The following CCDC93 variants were observed in gnomAD, a reference collection of about 807,000 sequenced individuals.
CCDC93 encodes CCC complex scaffolding subunit CCDC93.
A neutral mutation model predicts 108.2 loss-of-function variants in CCDC93; 61 were observed. That is an observed-to-expected ratio of 0.56 (90% CI 0.46 to 0.70). The LOEUF (loss-of-function observed/expected upper bound fraction) is 0.70. Among genes scored for constraint, CCDC93 ranks in the 30% least tolerant of loss-of-function variants. The probability of loss-of-function intolerance (pLI) is 0.00; values close to 1 mark genes in which losing one functional copy is unlikely to be tolerated. For missense variants in CCDC93, 685 were observed against 764.2 expected, an observed-to-expected ratio of 0.90 and a Z score of 1.22; for synonymous variants, 276 against 260.4, an observed-to-expected ratio of 1.06 and a Z score of -0.58.
intron 23 of CCDC93, among the ~76,000 whole-genome samples, chr2:117,924,262 G>C (rs1323363933): frequency 1.3e-5 from 2 of 152,206 alleles, no homozygotes; most frequent in African/African-American, 4.8e-5. Flanking sequence ...ACCAGCAATG[G>C]AACAAAGCTG....
chr2:117,982,935 A>G (rs1680195610), intron 7 of CCDC93, among the ~76,000 whole-genome samples: 1 of 152,202 alleles, frequency 6.6e-6, no homozygotes, highest in Admixed American at 6.5e-5. Flanking sequence ...GTAATAAGTG[A>G]AGGAGTCCAC....
At chr2:117,945,284 A>T (rs538607835) in intron 17 of CCDC93, among the ~76,000 whole-genome samples, 101 of 152,304 alleles carry the variant, frequency 6.6e-4, no homozygotes, top group Non-Finnish European at 1.2e-3. Context: ...GCATGAAAAC[A>T]ACATGCTTGT....
At chr2:117,963,596 A>G (rs1679461449) in intron 11 of CCDC93, among the ~76,000 whole-genome samples, 1 of 152,182 alleles carries the variant, frequency 6.6e-6, no homozygotes, top group African/African-American at 2.4e-5. Flanking sequence ...AAAAACCCAT[A>G]GTTATGTAAC....
chr2:117,922,092 T>C (rs894554629), intron 23 of CCDC93, among the ~76,000 whole-genome samples: 2 of 152,216 alleles, frequency 1.3e-5, no homozygotes, highest in Admixed American at 6.5e-5. Context: ...TCTCTACTTG[T>C]ATATTTTTTA....
intron 7 of CCDC93, among the ~76,000 whole-genome samples, chr2:117,984,927 C>A (rs1166793644): frequency 2.0e-5 from 3 of 152,116 alleles, no homozygotes; most frequent in Non-Finnish European, 4.4e-5. Flanking sequence ...TCTTTAAATT[C>A]TTAATAATTA....
rs1313892451 is a variant in CCDC93 at position 117,919,992 on chromosome 2, T to C, written c.*351A>G. On this transcript the variant is annotated 3_prime_UTR_variant, in exon 24 of 24. Coordinates refer to ENST00000376300, the MANE Select transcript of CCDC93 (RefSeq NM_019044.5). The stretch of plus-strand genomic sequence containing the variant: ...TATTTCTCAGTGGTTGCTGAACTAA[T>C]ACTTGCTAAACAAATGAATTCTTCT... The C allele has an allele frequency of 5.7e-6, 1 of 175,962 alleles. No homozygotes were observed. Among genetic ancestry groups the C allele is most frequent in the Non-Finnish European group, 1.2e-5 (1 of 82,674 alleles). 10.9% of individuals were successfully genotyped at this position (175,962 alleles called of 1,614,324 possible).
chr2:117,945,624 C>G (rs201162597), intron 16 of CCDC93, 42 bp from the exon 17 acceptor site: 3 of 1,565,012 alleles, frequency 1.9e-6, no homozygotes, highest in Non-Finnish European at 2.6e-6. Flanking sequence ...CCTGAGCATT[C>G]GGGAATAAGA....
intron 6 of CCDC93, among the ~76,000 whole-genome samples, chr2:117,986,673 G>A (rs1680329565): frequency 6.6e-6 from 1 of 152,028 alleles, no homozygotes; most frequent in African/African-American, 2.4e-5. Context: ...TTTTACTTTA[G>A]TATACAGTTT....
chr2:117,984,726 G>C (rs918102142), intron 7 of CCDC93, among the ~76,000 whole-genome samples: 2 of 152,064 alleles, frequency 1.3e-5, no homozygotes, highest in East Asian at 3.9e-4. Context: ...TCTGGGACAC[G>C]TGACACCCAC....
In CCDC93 at chr2:117,985,150, A is replaced by AC. The variant is rs199741814; in HGVS notation, c.620+818_620+819insG. Among the ~76,000 whole-genome samples the AC allele has an allele frequency of 8.6e-3, 1,308 of 151,598 alleles. 21 individuals are homozygous for AC. Among genetic ancestry groups the AC allele is most frequent in the African/African-American group, 0.029 (1,198 of 41,416 alleles). On this transcript the variant is annotated intron_variant, in intron 7 of 23. Transcript: ENST00000376300. The stretch of plus-strand genomic sequence containing the variant: ...GGAAGAAAAAACAAAACAAAACAAA[A>AC]AAAAAAAAACATAAGCAATTGCATG...
In CCDC93 at chr2:117,945,607, C is replaced by T. The variant is rs931041597; in HGVS notation, c.1297-25G>A. On this transcript the variant is annotated intron_variant, in intron 16 of 23. Transcript: ENST00000376300. ...TCTGAAACAATGAAAACATAATAAA[C>T]ACCTCTCCTGAGCATTCGGGAATAA... 1.9e-6 allele frequency: 3 copies of T among 1,605,904 alleles called. 1 individual carries two copies. The African/African-American group carries it at 4.0e-5, about 21-fold the overall frequency.
chr2:117,995,108 T>C (rs1356230081), intron 6 of CCDC93, among the ~76,000 whole-genome samples: 2 of 152,186 alleles, frequency 1.3e-5, no homozygotes, highest in East Asian at 3.8e-4. Context: ...GACAGAAACC[T>C]CAAGTTATCA....
intron 17 of CCDC93, chr2:117,944,774 G>C (rs756613117): frequency 4.2e-6 from 2 of 471,080 alleles, no homozygotes; most frequent in African/African-American, 2.0e-5. Context: ...AGACTTCACT[G>C]GAAGAGTGCT....
intron 2 of CCDC93, 52 bp downstream of exon 2, chr2:118,008,493 C>A: frequency 4.0e-6 from 4 of 1,004,414 alleles, no homozygotes; most frequent in African/African-American, 1.6e-5. Context: ...CCATGATTAA[C>A]CATGTCATTC....
In CCDC93 at chr2:117,978,043, A is replaced by G; in HGVS notation, c.621-13T>C. ...AAATCCATATCTCCTGCAGGCCACA[A>G]AAAAGGAGTTTAATTACTACTTAAA... On this transcript the variant is annotated splice_polypyrimidine_tract_variant and intron_variant, in intron 7 of 23. Transcript: ENST00000376300. 1 of 1,613,134 alleles carries G rather than the reference A, an allele frequency of 6.2e-7. No individual in the cohort carries two copies. The highest frequency in any genetic ancestry group is 8.5e-7 in the Non-Finnish European group (1 of 1,179,126).
chr2:118,014,013 G>C lies in CCDC93; in HGVS notation c.-18C>G. 1 of 1,593,760 alleles carries C rather than the reference G, an allele frequency of 6.3e-7. No individual in the cohort carries two copies. The highest frequency in any genetic ancestry group is 2.3e-5 in the East Asian group (1 of 43,930). Reference sequence around the variant, plus strand: ...AACCCCATGATCCGACCGGGCTGTCGTAAGGCGAGAGCGAAGCCCGCCAAG... The same window carrying C: ...AACCCCATGATCCGACCGGGCTGTCCTAAGGCGAGAGCGAAGCCCGCCAAG... On this transcript the variant is annotated 5_prime_UTR_variant, in exon 1 of 24. Transcript: ENST00000376300.
At chr2:117,958,526 A>AC in intron 11 of CCDC93, 45 bp from the exon 12 acceptor site, 1 of 1,142,206 alleles carries the variant, frequency 8.8e-7, no homozygotes, top group Non-Finnish European at 1.3e-6. Context: ...TAGTTAGTTG[A>AC]CCTTGGTTCA....
chr2:117,945,118 T>C (rs896775702), intron 17 of CCDC93, among the ~76,000 whole-genome samples: 1 of 152,334 alleles, frequency 6.6e-6, no homozygotes, highest in South Asian at 2.1e-4. Flanking sequence ...AAAGAGTTAC[T>C]ATGTGCACCT....
rs145071615 is a variant in CCDC93 at position 117,989,477 on chromosome 2, G to A, written c.520-3408C>T. On this transcript the variant is annotated intron_variant, in intron 6 of 23. Coordinates refer to ENST00000376300, the MANE Select transcript of CCDC93 (RefSeq NM_019044.5). Reference sequence around the variant, plus strand: ...TATGCTACTGCCACCTTGCAGTCAGGTCGTTCTTCTTGATCAGTCCTCAAA... The same window carrying A: ...TATGCTACTGCCACCTTGCAGTCAGATCGTTCTTCTTGATCAGTCCTCAAA... 2.8e-3 allele frequency among the ~76,000 whole-genome samples: 426 copies of A among 152,282 alleles called. 7 individuals carry two copies. The highest frequency in any genetic ancestry group is 6.3e-4 in the Non-Finnish European group (43 of 68,030).
Sources: allele counts gnomAD v4.1 joint callset (sites outside exome capture counted in the v4.1 genomes callset), GRCh38; gene constraint gnomAD v4.1.1; transcripts MANE v1.5; gene names NCBI Gene and HGNC (gene_info 2026-07-23, HGNC 2026-07-21).